Variants in DIAPH2 observed in about 807,000 individuals in gnomAD.
The protein encoded by DIAPH2 is protein diaphanous homolog 2.
In DIAPH2, 35 loss-of-function variants were observed where a neutral mutation model predicts 92.7. The ratio of observed to expected loss-of-function variants is 0.38; its 90% CI spans 0.29 to 0.50. The LOEUF (loss-of-function observed/expected upper bound fraction) is 0.50. Ranked by LOEUF, DIAPH2 falls within the 20% of genes least tolerant of loss-of-function variation. The probability of loss-of-function intolerance (pLI) is 0.94; values close to 1 mark genes in which losing one functional copy is unlikely to be tolerated. For synonymous variants in DIAPH2, 301 were observed against 280.4 expected (o/e 1.07, Z -0.73); for missense variants, 701 against 819.5 (o/e 0.86, Z 1.77).
At chrX:97,368,580 G>A (rs1382563929) in intron 24 of DIAPH2, among the ~76,000 whole-genome samples, 1 of 111,631 alleles carries the variant, frequency 9.0e-6, no homozygotes. Context: ...ATGCAAGTTA[G>A]AAGTCCTAAT....
intron 25 of DIAPH2, among the ~76,000 whole-genome samples, chrX:97,419,891 T>G (rs2069990042): frequency 8.9e-6 from 1 of 112,022 alleles, no homozygotes; most frequent in Admixed American, 9.5e-5. Flanking sequence ...TTTTACTTAC[T>G]TTTCCCTTCA....
chrX:97,418,980 C>T (rs1457036105), intron 25 of DIAPH2, among the ~76,000 whole-genome samples: 1 of 111,251 alleles, frequency 9.0e-6, no homozygotes, highest in African/African-American at 3.3e-5. Flanking sequence ...ATGTTCTTTC[C>T]CTCCTTCCAC....
chrX:96,761,569 G>A (rs933354470), intron 4 of DIAPH2, among the ~76,000 whole-genome samples: 1 of 110,930 alleles, frequency 9.0e-6, no homozygotes, highest in African/African-American at 3.3e-5. Flanking sequence ...ACCCAGACAT[G>A]GCCAAAATAT....
intron 23 of DIAPH2, among the ~76,000 whole-genome samples, chrX:97,274,141 AGTTT>A (rs66493927): frequency 0.38 from 40,337 of 107,282 alleles, 5,624 homozygotes; most frequent in East Asian, 0.65. Context: ...TACATCTTTG[AGTTT>A]ATCAGTTCAT....
chrX:96,964,789 A>T (rs894683551), intron 16 of DIAPH2, among the ~76,000 whole-genome samples: 1 of 111,320 alleles, frequency 9.0e-6, no homozygotes, highest in Non-Finnish European at 1.9e-5. Context: ...ACCCAGGAAC[A>T]AGAAGATTTT....
chrX:96,864,619 T>C (rs2065093240), intron 4 of DIAPH2, among the ~76,000 whole-genome samples: 1 of 112,022 alleles, frequency 8.9e-6, no homozygotes, highest in Non-Finnish European at 1.9e-5. Flanking sequence ...TGGGTTGTTA[T>C]TCTCTGAAAT....
At chrX:96,939,615 C>CAT (rs1206079448) in intron 12 of DIAPH2, among the ~76,000 whole-genome samples, 1 of 51,422 alleles carries the variant, frequency 1.9e-5, no homozygotes, top group African/African-American at 7.0e-5. Context: ...CACACACACA[C>CAT]ATATACACAC....
At chrX:97,203,865 CAAA>C (rs1297795953) in intron 22 of DIAPH2, among the ~76,000 whole-genome samples, 1 of 110,470 alleles carries the variant, frequency 9.1e-6, no homozygotes, top group African/African-American at 3.3e-5. Flanking sequence ...AGAGACACAA[CAAA>C]AAAAAGGAAA....
At chrX:97,021,937 G>A (rs780750333) in intron 17 of DIAPH2, among the ~76,000 whole-genome samples, 5 of 111,751 alleles carry the variant, frequency 4.5e-5, no homozygotes, top group South Asian at 7.5e-4. Flanking sequence ...ATAGATCATC[G>A]TGCCTATAAA....
rs752152403 is a variant in DIAPH2 at position 97,266,849 on chromosome X, T to C, written c.2844+19010T>C. ...TACCTTTAGAGAAAAATTACTGCAC[T>C]TTGCTGCATCTGTCAAAAATGACAC... On this transcript the variant is annotated intron_variant, in intron 23 of 26. Coordinates refer to ENST00000324765, the MANE Select transcript of DIAPH2 (RefSeq NM_006729.5). Among the ~76,000 whole-genome samples the C allele has an allele frequency of 4.5e-4, 50 of 112,092 alleles. 1 individual carries two copies. The highest frequency in any genetic ancestry group is 1.6e-3 in the African/African-American group (49 of 30,979).
intron 25 of DIAPH2, among the ~76,000 whole-genome samples, chrX:97,402,018 G>C: frequency 8.9e-6 from 1 of 112,813 alleles, no homozygotes; most frequent in Admixed American, 9.4e-5. Flanking sequence ...GACAGTATCA[G>C]TCAGAATCAA....
intron 22 of DIAPH2, among the ~76,000 whole-genome samples, chrX:97,231,240 G>C (rs996521245): frequency 1.4e-5 from 1 of 71,220 alleles, no homozygotes; most frequent in Non-Finnish European, 2.7e-5. Flanking sequence ...ATTCTTTCAG[G>C]CTTTTTTTTT....
At chrX:96,795,367 TGGTTAATGTTCCA>T (rs1378918594) in intron 4 of DIAPH2, among the ~76,000 whole-genome samples, 2 of 111,345 alleles carry the variant, frequency 1.8e-5, no homozygotes, top group Admixed American at 9.6e-5. Flanking sequence ...TAGTCTATTC[TGGTTAATGTTCCA>T]GGTTAATGTT....
At chrX:97,308,449 C>T (rs2068764729) in intron 23 of DIAPH2, among the ~76,000 whole-genome samples, 1 of 109,598 alleles carries the variant, frequency 9.1e-6, no homozygotes, top group Non-Finnish European at 1.9e-5. Flanking sequence ...CTCCCTTTTC[C>T]CTCACTTCTG....
At chrX:97,292,471 A>C (rs778074443) in intron 23 of DIAPH2, among the ~76,000 whole-genome samples, 1 of 111,662 alleles carries the variant, frequency 9.0e-6, no homozygotes, top group Non-Finnish European at 1.9e-5. Flanking sequence ...TCTTTTAATC[A>C]GATGTTAAAA....
At chrX:97,346,929 G>T (rs751384569) in intron 23 of DIAPH2, among the ~76,000 whole-genome samples, 7 of 110,424 alleles carry the variant, frequency 6.3e-5, no homozygotes, top group Non-Finnish European at 1.3e-4. Context: ...TCCTGCTTTT[G>T]CTGATTTCTC....
intron 17 of DIAPH2, among the ~76,000 whole-genome samples, chrX:97,033,216 G>T (rs1047886585): frequency 8.9e-6 from 1 of 112,031 alleles, no homozygotes; most frequent in African/African-American, 3.2e-5. Context: ...TATCCATTCC[G>T]TGTCAAGAAA....
chrX:97,441,795 A>C (rs915722848), intron 26 of DIAPH2, among the ~76,000 whole-genome samples: 17 of 113,145 alleles, frequency 1.5e-4, no homozygotes, highest in Admixed American at 2.8e-4. Flanking sequence ...GCCTGGCGAC[A>C]GAGCGAGACT....
chrX:97,224,810 G>T (rs1206913833), intron 22 of DIAPH2, among the ~76,000 whole-genome samples: 1 of 111,300 alleles, frequency 9.0e-6, no homozygotes, highest in Non-Finnish European at 1.9e-5. Flanking sequence ...CTCTTATTGG[G>T]CTGTCTGCCA....
Sources: gnomAD v4.1 joint callset for allele counts (sites outside exome capture counted in the v4.1 genomes callset) on GRCh38, gnomAD v4.1.1 for gene constraint, MANE v1.5 for transcripts, NCBI Gene and HGNC (gene_info 2026-07-23, HGNC 2026-07-21) for gene names.